DENND1B: variants seen among roughly 807,000 people sequenced by gnomAD.
The protein encoded by DENND1B is DENN domain-containing protein 1B.
In DENND1B, 59 loss-of-function variants were observed where a neutral mutation model predicts 90.1. That is an observed-to-expected ratio of 0.65 (90% CI 0.53 to 0.81). The LOEUF (loss-of-function observed/expected upper bound fraction) is 0.81. Ranked by LOEUF, DENND1B falls within the 40% of genes least tolerant of loss-of-function variation. DENND1B has a pLI of 0.00. For missense variants in DENND1B, 862 were observed against 912.6 expected, an observed-to-expected ratio of 0.94 and a Z score of 0.71; for synonymous variants, 337 against 324.6, an observed-to-expected ratio of 1.04 and a Z score of -0.41.
At chr1:197,583,588 A>G (rs1163636499) in intron 14 of DENND1B, among the ~76,000 whole-genome samples, 1 of 152,196 alleles carries the variant, frequency 6.6e-6, no homozygotes, top group East Asian at 1.9e-4. Context: ...ACATAATTTT[A>G]TTGCATCCTG....
At chr1:197,660,488 ATGAC>A (rs1654301712) in intron 5 of DENND1B, among the ~76,000 whole-genome samples, 1 of 152,040 alleles carries the variant, frequency 6.6e-6, no homozygotes, top group South Asian at 2.1e-4. Context: ...ATTTTAAAGA[ATGAC>A]TGGAAATTTT....
At chr1:197,614,131 C>T (rs1031589071) in intron 11 of DENND1B, among the ~76,000 whole-genome samples, 4 of 146,236 alleles carry the variant, frequency 2.7e-5, no homozygotes, top group African/African-American at 7.6e-5. Flanking sequence ...GTATAAAAAA[C>T]ACATTGATAA....
intron 12 of DENND1B, among the ~76,000 whole-genome samples, 166 bp from the exon 13 acceptor site, chr1:197,607,340 T>G (rs1440002989): frequency 6.6e-6 from 1 of 150,992 alleles, no homozygotes; most frequent in Non-Finnish European, 1.5e-5. Flanking sequence ...CCTGAGAAAG[T>G]CTGACTACAA....
At chr1:197,561,860 A>C (rs1243311175) in intron 15 of DENND1B, among the ~76,000 whole-genome samples, 1 of 151,858 alleles carries the variant, frequency 6.6e-6, no homozygotes, top group Non-Finnish European at 1.5e-5. Context: ...CTTTATTTAT[A>C]AAATAAACCC....
At chr1:197,681,932 A>G (rs1223735925) in intron 3 of DENND1B, among the ~76,000 whole-genome samples, 1 of 152,152 alleles carries the variant, frequency 6.6e-6, no homozygotes, top group South Asian at 2.1e-4. Context: ...GTTTCAGAGC[A>G]ATAAATTATA....
intron 14 of DENND1B, among the ~76,000 whole-genome samples, chr1:197,589,204 A>G (rs751942048): frequency 1.1e-4 from 17 of 152,132 alleles, no homozygotes; most frequent in Admixed American, 5.9e-4. Context: ...CTCATAAAAC[A>G]TATCAGTGAT....
chr1:197,746,971 GCCTGGTCTAT>G, intron 2 of DENND1B: 1 of 1,113,554 alleles, frequency 9.0e-7, no homozygotes, highest in South Asian at 1.2e-5. Flanking sequence ...CCCCTCCACA[GCCTGGTCTAT>G]CCTCTCTTCA....
chr1:197,649,700 G>A (rs1027489896), intron 7 of DENND1B, among the ~76,000 whole-genome samples: 3 of 152,060 alleles, frequency 2.0e-5, no homozygotes, highest in Admixed American at 2.0e-4. Flanking sequence ...TCATCTCTCA[G>A]CTTATACAAA....
intron 2 of DENND1B, among the ~76,000 whole-genome samples, chr1:197,763,346 T>G (rs891435937): frequency 2.6e-5 from 4 of 152,224 alleles, no homozygotes; most frequent in African/African-American, 7.2e-5. Flanking sequence ...TAATTATACT[T>G]CTTTTAAAAG....
intron 3 of DENND1B, among the ~76,000 whole-genome samples, chr1:197,677,890 T>C (rs1430027550): frequency 6.6e-6 from 1 of 152,176 alleles, no homozygotes; most frequent in Non-Finnish European, 1.5e-5. Context: ...CTAAATTCGT[T>C]GGCTTTTTCC....
chr1:197,747,098 C>G, intron 2 of DENND1B: 1 of 773,742 alleles, frequency 1.3e-6, no homozygotes, highest in South Asian at 1.4e-5. Context: ...GAGAACTGTT[C>G]ACTGTGAGAT....
intron 15 of DENND1B, among the ~76,000 whole-genome samples, chr1:197,557,042 T>C (rs962336190): frequency 3.3e-5 from 5 of 151,996 alleles, no homozygotes; most frequent in Non-Finnish European, 5.9e-5. Flanking sequence ...TTATAATGCA[T>C]AGAACTAATT....
chr1:197,713,856 A>ATAATATATT (rs1409854902), intron 3 of DENND1B, among the ~76,000 whole-genome samples: 1 of 43,584 alleles, frequency 2.3e-5, no homozygotes, highest in East Asian at 8.3e-4. Flanking sequence ...ATATTATTAT[A>ATAATATATT]ATATATTATA....
intron 18 of DENND1B, among the ~76,000 whole-genome samples, chr1:197,544,993 A>AGG (rs1366414210): frequency 3.9e-4 from 12 of 30,602 alleles, no homozygotes; most frequent in East Asian, 3.2e-3. Context: ...GGGAAGAAGG[A>AGG]AGAAGGAAGA....
chr1:197,722,019 T>C (rs1026049690), intron 2 of DENND1B, among the ~76,000 whole-genome samples: 8 of 152,162 alleles, frequency 5.3e-5, no homozygotes, highest in Admixed American at 3.9e-4. Flanking sequence ...GTAGTCCATA[T>C]CTAAACAAGA....
chr1:197,589,594 A>C (rs548307172), intron 14 of DENND1B, among the ~76,000 whole-genome samples: 1 of 152,188 alleles, frequency 6.6e-6, no homozygotes, highest in Non-Finnish European at 1.5e-5. Context: ...AGATTTAGTG[A>C]ATGGCCTTTT....
In DENND1B at chr1:197,506,486, G is replaced by C. The variant is rs1421449639; in HGVS notation, c.*3974C>G. 1 of 151,406 alleles carries C rather than the reference G, an allele frequency of 6.6e-6. No individual in the cohort carries two copies. The highest frequency in any genetic ancestry group is 1.5e-5 in the Non-Finnish European group (1 of 67,596). The allele number at this position is 151,406 out of a possible 1,614,324, so 9.4% of individuals were successfully genotyped here. On this transcript the variant is annotated 3_prime_UTR_variant, in exon 23 of 23. Coordinates refer to ENST00000620048, the MANE Select transcript of DENND1B (RefSeq NM_001195215.2). ...ATTTACAAATATCTTAAGATTCAGG[G>C]TCTTTTATGTCAAACAAAATGGAAT...
At position 197,642,908 on chromosome 1, in the gene DENND1B, A is replaced by G. The variant is rs113914076; in HGVS notation, c.562-87T>C. 209 of 808,332 alleles carry G rather than the reference A, an allele frequency of 2.6e-4. 1 individual carries two copies. In the African/African-American group the frequency reaches 3.0e-3, roughly 12 times the overall value. The allele number at this position is 808,332 out of a possible 1,614,324, so 50.1% of individuals were successfully genotyped here. On this transcript the variant is annotated intron_variant, in intron 9 of 22. Transcript: ENST00000620048. ...TTACACACTTACCAGAAAGTCTTGA[A>G]GTTCAAAGGGTATTATTATTTAAAA...
intron 3 of DENND1B, among the ~76,000 whole-genome samples, chr1:197,700,311 A>G (rs1658893993): frequency 6.6e-6 from 1 of 152,086 alleles, no homozygotes; most frequent in South Asian, 2.1e-4. Context: ...CAGAAATAAC[A>G]CCACACACCT....
Sources: gnomAD v4.1 joint callset for allele counts (sites outside exome capture counted in the v4.1 genomes callset) on GRCh38, gnomAD v4.1.1 for gene constraint, MANE v1.5 for transcripts, NCBI Gene and HGNC (gene_info 2026-07-23, HGNC 2026-07-21) for gene names.